Variants in ADCY3 observed in about 807,000 individuals in gnomAD.
The protein encoded by ADCY3 is adenylate cyclase 3.
ADCY3 carries 70 observed loss-of-function variants against 119.4 expected under a neutral mutation model. That is an observed-to-expected ratio of 0.59 (90% CI 0.48 to 0.72). The LOEUF (loss-of-function observed/expected upper bound fraction) is 0.72. Among genes scored for constraint, ADCY3 ranks in the 30% least tolerant of loss-of-function variants. ADCY3 has a pLI of 0.00. For synonymous variants in ADCY3, 672 were observed against 621.4 expected (o/e 1.08, Z -1.21); for missense variants, 1,238 against 1,541.6 (o/e 0.80, Z 3.30).
Position 24,820,806 on chromosome 2 carries a change from C to T in ADCY3, c.3170G>A (p.Arg1057Gln), listed in dbSNP as rs1228078201. Residue 1057 changes from arginine to glutamine, a missense_variant, in exon 21 of 22, where the codon CGG becomes CAG. Physicochemically the swap from Arg to Gln is conservative, Grantham distance 43. This residue lies in a region of ADCY3 where 43 missense variants were observed against 77.0 expected (regional missense o/e 0.56). Coordinates refer to ENST00000679454, the MANE Select transcript of ADCY3 (RefSeq NM_004036.5). ...GGVLAGVIGARKPHYDIWGNT... is the reference protein window; with the variant it reads ...GGVLAGVIGAQKPHYDIWGNT... ...GCCCCAGATGTCGTAGTGTGGTTTC[C>T]GGGCTCCGATGACCCCAGCCAGAAC... is the stretch of plus-strand genomic sequence containing the variant. The T allele has an allele frequency of 6.8e-6, 11 of 1,614,066 alleles. No homozygotes were observed. The highest frequency in any genetic ancestry group is 1.1e-5 in the South Asian group (1 of 91,076).
intron 2 of ADCY3, among the ~76,000 whole-genome samples, chr2:24,882,305 C>T (rs1408979540): frequency 6.6e-6 from 1 of 152,160 alleles, no homozygotes; most frequent in East Asian, 1.9e-4. Context: ...TTATCCTAAC[C>T]CAGGGATTAC....
In ADCY3 at chr2:24,839,886, C is replaced by T. The variant is rs754330838; in HGVS notation, c.1342G>A (p.Gly448Ser). 6 of 1,613,840 alleles carry T rather than the reference C, an allele frequency of 3.7e-6. No homozygotes were observed. Among genetic ancestry groups the T allele is most frequent in the East Asian group, 2.2e-5 (1 of 44,880 alleles). ...AATGGCACTCACCCAGGGATGCCGC[C>T]GGCCTCCATCTTGTTGGCTACAGTG... ...DVTVANKMEA[G>S]GIPGRVHISQ... is the part of the protein sequence containing the mutation. The change falls in exon 7 of 22, where the codon GGC becomes AGC. Residue 448 changes from glycine to serine, a missense_variant. Coordinates refer to ENST00000679454, the MANE Select transcript of ADCY3 (RefSeq NM_004036.5).
At chr2:24,903,725 G>A (rs1360171298) in intron 2 of ADCY3, among the ~76,000 whole-genome samples, 4 of 152,150 alleles carry the variant, frequency 2.6e-5, no homozygotes, top group Admixed American at 6.5e-5. Flanking sequence ...AGGAGGGTGC[G>A]GGGGCACCAT....
chr2:24,911,637 C>CAAAAAAA (rs60134317), intron 2 of ADCY3, among the ~76,000 whole-genome samples: 1 of 106,160 alleles, frequency 9.4e-6, no homozygotes. Context: ...GAGACAGACT[C>CAAAAAAA]AAAAAAAAAA....
In ADCY3 at chr2:24,841,544, C is replaced by T; in HGVS notation, c.1068+12G>A. 1 of 1,610,826 alleles carries T rather than the reference C, an allele frequency of 6.2e-7. No homozygotes were observed. Among genetic ancestry groups the T allele is most frequent in the Non-Finnish European group, 8.5e-7 (1 of 1,178,870 alleles). ...GGCCCCGCTGGAGAGCCAGGCGGGG[C>T]CAGGGACTTACAGCTGCCAGCTTGT... On this transcript the variant is annotated intron_variant, in intron 5 of 21. Transcript: ENST00000679454. The surrounding 1 kb of genome is among the most constrained non-coding windows in gnomAD (Gnocchi z 5.8).
chr2:24,851,615 T>C (rs1316718626), intron 3 of ADCY3, among the ~76,000 whole-genome samples: 1 of 152,172 alleles, frequency 6.6e-6, no homozygotes, highest in Admixed American at 6.5e-5. Context: ...TGCTTTAATG[T>C]TGTTCTGCTA....
Position 24,878,426 on chromosome 2 carries a change from C to T in ADCY3, c.676-5707G>A. On this transcript the variant is annotated intron_variant, in intron 2 of 21. Transcript: ENST00000679454. This position sits in a 1 kb window ranked among gnomAD's most constrained non-coding sequence, Gnocchi z 4.0. ...TGGTGGCTCTCTTGCCCAAACCAATCTCTTCCTATAAGCTCATTCCAGCCT... is the reference window on the plus strand; with the variant it reads ...TGGTGGCTCTCTTGCCCAAACCAATTTCTTCCTATAAGCTCATTCCAGCCT... 6.6e-6 allele frequency among the ~76,000 whole-genome samples: 1 copy of T among 152,166 alleles called. No individual in the cohort carries two copies. The highest frequency in any genetic ancestry group is 1.9e-4 in the East Asian group (1 of 5,190).
Position 24,828,035 on chromosome 2 carries a change from T to C in ADCY3, c.2299A>G (p.Met767Val). Residue 767 changes from methionine (M) to valine (V), a missense_variant, in exon 14 of 22, where the codon ATG becomes GTG. Physicochemically the swap from Met to Val is conservative, Grantham distance 21 (BLOSUM62 1). Transcript: ENST00000679454. ...ACCATGTGGCTGACCTGCACCAGCA[T>C]GATGGTGGCGATGAGGGACAGCACG... ...VAVLSLIATI[M>V]LVQVSHMVKL... 1.9e-6 allele frequency: 3 copies of C among 1,614,230 alleles called. 1 individual carries two copies. The highest frequency in any genetic ancestry group is 3.3e-4 in the Middle Eastern group (2 of 6,062).
At chr2:24,902,515 CGTGGAGTGTCT>C (rs1679030441) in intron 2 of ADCY3, among the ~76,000 whole-genome samples, 1 of 152,108 alleles carries the variant, frequency 6.6e-6, no homozygotes, top group Non-Finnish European at 1.5e-5. Context: ...CTCCCAGCCC[CGTGGAGTGTCT>C]GTTAAGGTAC....
chr2:24,836,347 C>T (rs555478841), intron 9 of ADCY3, among the ~76,000 whole-genome samples: 10 of 152,372 alleles, frequency 6.6e-5, no homozygotes, highest in East Asian at 1.9e-4. Flanking sequence ...GTCCCCCTCA[C>T]GCGGTGAGCC....
chr2:24,912,458 G>C (rs576176086), intron 2 of ADCY3, among the ~76,000 whole-genome samples: 1 of 152,334 alleles, frequency 6.6e-6, no homozygotes, highest in East Asian at 1.9e-4. Context: ...TGAAGAAACT[G>C]CAGAATGCCA....
At chr2:24,852,196 G>A (rs1253676078) in intron 3 of ADCY3, among the ~76,000 whole-genome samples, 1 of 152,166 alleles carries the variant, frequency 6.6e-6, no homozygotes, top group African/African-American at 2.4e-5. Flanking sequence ...CGGCCCAGCG[G>A]CTGCCTCGGG....
In ADCY3 at chr2:24,842,543, G is replaced by A; in HGVS notation, c.826-159C>T. On this transcript the variant is annotated intron_variant, in intron 3 of 21. Transcript: ENST00000679454. This position sits in a 1 kb window ranked among gnomAD's most constrained non-coding sequence, Gnocchi z 4.9. Reference sequence around the variant, plus strand: ...CACAGATCTGCCTCGGGAGCAGCCAGGGGTCTGGGACAGGCAGCTTCTGGC... The same window carrying A: ...CACAGATCTGCCTCGGGAGCAGCCAAGGGTCTGGGACAGGCAGCTTCTGGC... 4 of 966,812 alleles carry A rather than the reference G, an allele frequency of 4.1e-6. No homozygotes were observed. The highest frequency in any genetic ancestry group is 6.0e-6 in the Non-Finnish European group (4 of 662,194). The allele number at this position is 966,812 out of a possible 1,614,324, so 59.9% of individuals were successfully genotyped here.
At chr2:24,909,814 A>G (rs2149043193) in intron 2 of ADCY3, among the ~76,000 whole-genome samples, 1 of 152,192 alleles carries the variant, frequency 6.6e-6, no homozygotes, top group East Asian at 1.9e-4. Context: ...GCTGCTATCA[A>G]TTCATTCCCT....
rs554092108 is a variant in ADCY3 at position 24,915,836 on chromosome 2, C to T, written c.675+2477G>A. ...GATTACAGGCATGAGCCACCATGCC[C>T]GGCCCCATTTCCACCATCTTCAGAG... On this transcript the variant is annotated intron_variant, in intron 2 of 21. Coordinates refer to ENST00000679454, the MANE Select transcript of ADCY3 (RefSeq NM_004036.5). Among the ~76,000 whole-genome samples the T allele has an allele frequency of 4.6e-5, 7 of 152,296 alleles. No homozygotes were observed. In the South Asian group the frequency reaches 6.2e-4, roughly 14 times the overall value.
chr2:24,879,973 C>T (rs1204079498), intron 2 of ADCY3, among the ~76,000 whole-genome samples: 2 of 152,158 alleles, frequency 1.3e-5, no homozygotes, highest in Non-Finnish European at 2.9e-5. Context: ...TTCTAAGCAT[C>T]GCTGCACCAA....
At position 24,819,271 on chromosome 2, in the gene ADCY3, A is replaced by AG. The variant is rs1667161939; in HGVS notation, c.*660dup. The AG allele has an allele frequency of 6.5e-6, 1 of 152,720 alleles. No individual in the cohort carries two copies. The highest frequency in any genetic ancestry group is 2.4e-5 in the African/African-American group (1 of 41,478). 9.5% of individuals were successfully genotyped at this position (152,720 alleles called of 1,614,324 possible). On this transcript the variant is annotated 3_prime_UTR_variant, in exon 22 of 22. Transcript: ENST00000679454. Reference sequence around the variant, plus strand: ...AAGGCGACTGTAGCAAGAGCTCAAAAGGCAAGGCAATATCGGAAAGTGTAT... The same window carrying AG: ...AAGGCGACTGTAGCAAGAGCTCAAAAGGGCAAGGCAATATCGGAAAGTGTAT...
In ADCY3 at chr2:24,822,738, C is replaced by CT. The variant is rs1157706642; in HGVS notation, c.2884-109dup. The CT allele has an allele frequency of 3.4e-5, 49 of 1,427,782 alleles. 1 individual carries two copies. The Admixed American group carries it at 1.1e-3, about 32-fold the overall frequency. 88.4% of individuals were successfully genotyped at this position (1,427,782 alleles called of 1,614,324 possible). The stretch of plus-strand genomic sequence containing the variant: ...AGGACCCCACTAAACCCAAGAGACA[C>CT]TTTCCTATCAAAGTTGTTACTTAGT... On this transcript the variant is annotated intron_variant, in intron 18 of 21. Coordinates refer to ENST00000679454, the MANE Select transcript of ADCY3 (RefSeq NM_004036.5).
At chr2:24,823,492 A>ATTTTTTTTTTTTTTTTTTTTTTT (rs5829941) in intron 17 of ADCY3, 137 bp from the exon 18 acceptor site, 1 of 633,740 alleles carries the variant, frequency 1.6e-6, no homozygotes. Context: ...TTATTCCAGC[A>ATTTTTTTTTTTTTTTTTTTTTTT]TTTTTTTTTT....
Sources: allele counts gnomAD v4.1 joint callset (sites outside exome capture counted in the v4.1 genomes callset), GRCh38; gene constraint gnomAD v4.1.1; regional missense constraint gnomAD v4.1.1; non-coding constraint Gnocchi (gnomAD v3.1); transcripts MANE v1.5; gene names NCBI Gene and HGNC (gene_info 2026-07-23, HGNC 2026-07-21).